SH3KBP1: variants seen among roughly 807,000 people sequenced by gnomAD.
The protein encoded by SH3KBP1 is SH3 domain-containing kinase-binding protein 1.
SH3KBP1 carries 8 observed loss-of-function variants against 50.1 expected under a neutral mutation model. The observed-to-expected ratio is 0.16, with a 90% confidence interval of 0.09 to 0.29. The LOEUF (loss-of-function observed/expected upper bound fraction) is 0.29, where lower values mean the gene tolerates loss of function less well. SH3KBP1 is among the 10% of genes least tolerant of loss of function. The pLI is 1.00. For synonymous variants in SH3KBP1, 227 were observed against 218.6 expected (o/e 1.04, Z -0.34); for missense variants, 377 against 535.2 (o/e 0.70, Z 2.92).
intron 3 of SH3KBP1, among the ~76,000 whole-genome samples, chrX:19,740,221 A>G (rs890311701): frequency 2.7e-5 from 3 of 111,685 alleles, no homozygotes; most frequent in African/African-American, 9.8e-5. Context: ...CAGTGTCCCA[A>G]TAAAACTTGC....
intron 2 of SH3KBP1, among the ~76,000 whole-genome samples, chrX:19,794,352 T>C (rs1350924461): frequency 9.0e-6 from 1 of 111,119 alleles, no homozygotes; most frequent in African/African-American, 3.3e-5. Flanking sequence ...TGCAGTGAGC[T>C]GTGATTGCAC....
chrX:19,601,837 T>C (rs190024720), intron 9 of SH3KBP1, among the ~76,000 whole-genome samples: 33 of 111,023 alleles, frequency 3.0e-4, no homozygotes, highest in Non-Finnish European at 5.7e-4. Flanking sequence ...CTGTACCCTA[T>C]AGAGTCCCCA....
At chrX:19,648,969 G>A (rs1167653527) in intron 6 of SH3KBP1, among the ~76,000 whole-genome samples, 4 of 111,774 alleles carry the variant, frequency 3.6e-5, no homozygotes, top group East Asian at 2.8e-4. Flanking sequence ...CCTCATGAAC[G>A]CAATGTCTAG....
chrX:19,630,120 T>C (rs946291403), intron 8 of SH3KBP1, among the ~76,000 whole-genome samples: 1 of 112,362 alleles, frequency 8.9e-6, no homozygotes, highest in Non-Finnish European at 1.9e-5. Flanking sequence ...CAGATGTGTG[T>C]CTTTTCTCAG....
At chrX:19,829,638 C>T (rs1045233584) in intron 2 of SH3KBP1, among the ~76,000 whole-genome samples, 1 of 104,269 alleles carries the variant, frequency 9.6e-6, no homozygotes, top group Non-Finnish European at 1.9e-5. Context: ...CCCAGCTACT[C>T]GGGAGGCTGA....
chrX:19,609,056 G>C (rs1428629840), intron 8 of SH3KBP1, among the ~76,000 whole-genome samples: 4 of 112,865 alleles, frequency 3.5e-5, no homozygotes, highest in South Asian at 3.6e-4. Flanking sequence ...GCTAGAGAAA[G>C]GACAACGAGC....
chrX:19,683,738 T>C (rs770338144), intron 6 of SH3KBP1, 85 bp downstream of exon 6: 54 of 883,921 alleles, frequency 6.1e-5, no homozygotes, highest in Admixed American at 2.0e-4. Flanking sequence ...AAAAGAGGAA[T>C]TGGAAGCCTC....
At chrX:19,605,471 G>T (rs1242290435) in intron 9 of SH3KBP1, among the ~76,000 whole-genome samples, 1 of 111,767 alleles carries the variant, frequency 8.9e-6, no homozygotes, top group Non-Finnish European at 1.9e-5. Flanking sequence ...TTCCTTGGTC[G>T]AAGGGAGAGG....
chrX:19,811,605 A>G (rs767727215), intron 2 of SH3KBP1, among the ~76,000 whole-genome samples: 4 of 112,368 alleles, frequency 3.6e-5, no homozygotes, highest in African/African-American at 1.3e-4. Context: ...TAAAATGTAC[A>G]TCTAATAAAT....
chrX:19,861,104 C>T (rs1300133445), intron 1 of SH3KBP1, among the ~76,000 whole-genome samples: 2 of 111,535 alleles, frequency 1.8e-5, no homozygotes, highest in Non-Finnish European at 3.8e-5. Context: ...AGGCCAGGCG[C>T]GGTGGCTCAC....
chrX:19,872,831 TCTCACACACA>T (rs1249965826), intron 1 of SH3KBP1, among the ~76,000 whole-genome samples: 1 of 101,768 alleles, frequency 9.8e-6, no homozygotes, highest in East Asian at 3.0e-4. Context: ...TCTCTCTCTC[TCTCACACACA>T]CACACACACA....
intron 9 of SH3KBP1, among the ~76,000 whole-genome samples, chrX:19,605,366 T>C (rs2067214035): frequency 1.8e-5 from 2 of 111,841 alleles, no homozygotes; most frequent in South Asian, 7.5e-4. Flanking sequence ...TTGTAAACAT[T>C]AAATACAATT....
At chrX:19,639,795 G>A (rs995523549) in intron 7 of SH3KBP1, among the ~76,000 whole-genome samples, 2 of 110,445 alleles carry the variant, frequency 1.8e-5, no homozygotes, top group Non-Finnish European at 3.8e-5. Flanking sequence ...CCAAGAATGA[G>A]TGAGTTTGGG....
At chrX:19,840,310 A>T (rs746793141) in intron 1 of SH3KBP1, among the ~76,000 whole-genome samples, 25 of 112,546 alleles carry the variant, frequency 2.2e-4, no homozygotes, top group Non-Finnish European at 4.1e-4. Context: ...GACGTGTGCC[A>T]TAAGATACAT....
rs776762281 is a variant in SH3KBP1, at chrX:19,828,893, A to G, written c.162+7232T>C. Among the ~76,000 whole-genome samples, 369 of 112,261 alleles carry G rather than the reference A, an allele frequency of 3.3e-3. 1 individual carries two copies. Among genetic ancestry groups the G allele is most frequent in the Non-Finnish European group, 5.7e-3 (306 of 53,249 alleles). On this transcript the variant is annotated intron_variant, in intron 2 of 17. Transcript: ENST00000397821. ...TGCATCAGGACGCCTCACCAGTTAT[A>G]TTCATAGGTGGCTACATTATGACAA...
intron 2 of SH3KBP1, among the ~76,000 whole-genome samples, chrX:19,781,451 A>C (rs1259045902): frequency 1.8e-5 from 2 of 109,601 alleles, no homozygotes; most frequent in Non-Finnish European, 3.8e-5. Flanking sequence ...AACCCGTCTA[A>C]ACAACAACAA....
chrX:19,861,092 G>A (rs1245178908), intron 1 of SH3KBP1, among the ~76,000 whole-genome samples: 1 of 111,666 alleles, frequency 9.0e-6, no homozygotes, highest in Non-Finnish European at 1.9e-5. Flanking sequence ...AATAAAAACA[G>A]CAGGCCAGGC....
rs752593723 is a variant in SH3KBP1, at chrX:19,751,988, G to A, written c.163-5547C>T. ...TCTTTTCTCTTCTCCCTCACCATCC[G>A]TTTCATACTTTACAGGTACTGGTGA... On this transcript the variant is annotated intron_variant, in intron 2 of 17. Coordinates refer to ENST00000397821, the MANE Select transcript of SH3KBP1 (RefSeq NM_031892.3). 2.7e-5 allele frequency among the ~76,000 whole-genome samples: 3 copies of A among 112,366 alleles called. No homozygotes were observed. The Admixed American group carries it at 2.8e-4, about 11-fold the overall frequency.
At chrX:19,564,828 G>A (rs1054846310) in intron 13 of SH3KBP1, among the ~76,000 whole-genome samples, 1 of 109,891 alleles carries the variant, frequency 9.1e-6, no homozygotes, top group Admixed American at 9.8e-5. Flanking sequence ...GTCATTCTTT[G>A]TTGTCTGTGG....
Sources: allele counts gnomAD v4.1 joint callset (sites outside exome capture counted in the v4.1 genomes callset), GRCh38; gene constraint gnomAD v4.1.1; transcripts MANE v1.5; gene names NCBI Gene and HGNC (gene_info 2026-07-23, HGNC 2026-07-21).